Variants in RNF31 observed in about 807,000 individuals in gnomAD.
RNF31 encodes the protein E3 ubiquitin-protein ligase RNF31.
A neutral mutation model predicts 133.6 loss-of-function variants in RNF31; 38 were observed. That is an observed-to-expected ratio of 0.28 (90% CI 0.22 to 0.37). The LOEUF (loss-of-function observed/expected upper bound fraction) is 0.37, where lower values mean the gene tolerates loss of function less well. RNF31 is among the 10% of genes least tolerant of loss of function. The probability of loss-of-function intolerance (pLI) is 1.00; values close to 1 mark genes in which losing one functional copy is unlikely to be tolerated. For synonymous variants in RNF31, 582 were observed against 552.3 expected (o/e 1.05, Z -0.75); for missense variants, 1,118 against 1,394.1 (o/e 0.80, Z 3.15).
chr14:24,157,759 C>A, intron 16 of RNF31, 121 bp downstream of exon 16: 1 of 1,093,612 alleles, frequency 9.1e-7, no homozygotes, highest in Non-Finnish European at 1.4e-6. Flanking sequence ...TAAAGCACAA[C>A]TCTCTGTCCC....
At position 24,147,732 on chromosome 14, in the gene RNF31, G is replaced by A. The variant is rs370135028; in HGVS notation, c.34G>A (p.Val12Met). The change falls in exon 1 of 21, where the codon GTG becomes ATG. Residue 12 changes from valine to methionine, a missense_variant. By Grantham distance (21) the Val-to-Met change is conservative. Coordinates refer to ENST00000324103, the MANE Select transcript of RNF31 (RefSeq NM_017999.5). ...PGEEEERAFL[V>M]AREELASALR... ...GGAGGAAGAGGAGCGGGCCTTCCTG[G>A]TGGCCCGCGAGGAGCTGGCGAGCGC... 3.1e-5 allele frequency: 48 copies of A among 1,550,996 alleles called. No individual in the cohort carries two copies. Among genetic ancestry groups the A allele is most frequent in the East Asian group, 2.9e-4 (12 of 41,864 alleles).
intron 18 of RNF31, chr14:24,158,512 C>T (rs2038380782): frequency 7.1e-6 from 3 of 421,390 alleles, no homozygotes; most frequent in Admixed American, 4.1e-5. Flanking sequence ...GTGCTAGTTG[C>T]AGGGCACTGT....
intron 18 of RNF31, chr14:24,158,850 G>A (rs4982864): frequency 0.4 from 60,691 of 150,548 alleles, 12,623 homozygotes; most frequent in East Asian, 0.59. Flanking sequence ...TGGCTAACAC[G>A]GTGAAACCCC....
chr14:24,149,173 G>T, intron 5 of RNF31: 1 of 598,546 alleles, frequency 1.7e-6, no homozygotes, highest in Non-Finnish European at 2.9e-6. Flanking sequence ...ATGTTGGTCA[G>T]GCTGGTCTGG....
At chr14:24,150,496 C>G (rs537781014) in intron 7 of RNF31, 48 bp downstream of exon 7, 1 of 1,578,560 alleles carries the variant, frequency 6.3e-7, no homozygotes, top group Non-Finnish European at 8.6e-7. Context: ...CAGGCATTCT[C>G]TTCCCTATCC....
Position 24,160,651 on chromosome 14 carries a change from T to C in RNF31, c.*78T>C, listed in dbSNP as rs555447196. 3 of 1,117,566 alleles carry C rather than the reference T, an allele frequency of 2.7e-6. 1 individual carries two copies. The African/African-American group carries it at 4.8e-5, about 18-fold the overall frequency. 69.2% of individuals were successfully genotyped at this position (1,117,566 alleles called of 1,614,324 possible). On this transcript the variant is annotated 3_prime_UTR_variant, in exon 21 of 21. Coordinates refer to ENST00000324103, the MANE Select transcript of RNF31 (RefSeq NM_017999.5). The surrounding 1 kb of genome is among the most constrained non-coding windows in gnomAD (Gnocchi z 4.0). ...CTCCAGCACCAATAAAGAGGCATCTTACCACCCAGGCTTCTTGGTGGTCCT... is the reference window on the plus strand; with the variant it reads ...CTCCAGCACCAATAAAGAGGCATCTCACCACCCAGGCTTCTTGGTGGTCCT...
chr14:24,149,258 C>A, intron 5 of RNF31, 148 bp from the exon 6 acceptor site: 1 of 840,110 alleles, frequency 1.2e-6, no homozygotes, highest in Non-Finnish European at 1.8e-6. Flanking sequence ...CCACCACGCC[C>A]GGCCTCTTTG....
At position 24,147,882 on chromosome 14, in the gene RNF31, C is replaced by G; in HGVS notation, c.184C>G (p.His62Asp). 1 of 1,611,902 alleles carries G rather than the reference C, an allele frequency of 6.2e-7. No individual in the cohort carries two copies. The highest frequency in any genetic ancestry group is 8.5e-7 in the Non-Finnish European group (1 of 1,179,690). ...CGCACGCCTTGTCCGCTGCAACGCT[C>G]ATGGGGAGGTGAGGCCCGGCCCCGC... is the stretch of plus-strand genomic sequence containing the variant. ...DAARLVRCNA[H>D]GEPRNYLNTL... Residue 62 changes from histidine (H) to aspartate (D), a missense_variant, in exon 1 of 21, where the codon CAT becomes GAT. By Grantham distance (81) the His-to-Asp change is moderately conservative (BLOSUM62 -1). Coordinates refer to ENST00000324103, the MANE Select transcript of RNF31 (RefSeq NM_017999.5).
At chr14:24,158,233 A>G (rs1225225115) in intron 18 of RNF31, 34 bp downstream of exon 18, 1 of 1,604,374 alleles carries the variant, frequency 6.2e-7, no homozygotes, top group Non-Finnish European at 8.5e-7. Context: ...AGAAGAGGAG[A>G]TGGTGTGCTG....
In RNF31 at chr14:24,155,156, G is replaced by C; in HGVS notation, c.2131-1G>C. The stretch of plus-strand genomic sequence containing the variant: ...CTCCCCTCCAACCCCTCACCCTCCA[G>C]ATGCAGGCCCTGACTTCCTGTGAGT... On this transcript the variant is annotated splice_acceptor_variant, in intron 11 of 20. Coordinates refer to ENST00000324103, the MANE Select transcript of RNF31 (RefSeq NM_017999.5). LOFTEE classifies it high-confidence loss of function. The surrounding 1 kb of genome is among the most constrained non-coding windows in gnomAD (Gnocchi z 4.9). The C allele has an allele frequency of 6.2e-7, 1 of 1,613,590 alleles. No homozygotes were observed. The highest frequency in any genetic ancestry group is 8.5e-7 in the Non-Finnish European group (1 of 1,179,618).
At position 24,148,726 on chromosome 14, in the gene RNF31, G is replaced by C. The variant is rs748631330; in HGVS notation, c.555+25G>C. 5.0e-6 allele frequency: 8 copies of C among 1,613,858 alleles called. No individual in the cohort carries two copies. In the South Asian group the frequency reaches 8.8e-5, roughly 18 times the overall value. ...TGTAAGGAAGGCAGGAAAGGGGCTG[G>C]TGTACAAAGGAAACAGGAATTGTGA... On this transcript the variant is annotated intron_variant, in intron 4 of 20. Coordinates refer to ENST00000324103, the MANE Select transcript of RNF31 (RefSeq NM_017999.5).
rs1474140981 is a variant in RNF31 at position 24,150,053 on chromosome 14, C to T, written c.810-8C>T. 2.6e-6 allele frequency: 4 copies of T among 1,551,418 alleles called. No individual in the cohort carries two copies. The African/African-American group carries it at 5.4e-5, about 21-fold the overall frequency. ...CTTCAGCAGGCCATGTCTGCTTTTC[C>T]ATTACAGTTTACCTGCCTCAGCCCA... On this transcript the variant is annotated splice_polypyrimidine_tract_variant and splice_region_variant and intron_variant, in intron 6 of 20. Coordinates refer to ENST00000324103, the MANE Select transcript of RNF31 (RefSeq NM_017999.5).
intron 18 of RNF31, chr14:24,158,615 T>G: frequency 5.5e-6 from 1 of 180,688 alleles, no homozygotes; most frequent in Non-Finnish European, 1.2e-5. Flanking sequence ...CTACAGTCCA[T>G]ACCACCCTGA....
Position 24,148,276 on chromosome 14 carries a change from C to A in RNF31, c.358C>A (p.Arg120=). 6.2e-7 allele frequency: 1 copy of A among 1,614,086 alleles called. No homozygotes were observed. The highest frequency in any genetic ancestry group is 8.5e-7 in the Non-Finnish European group (1 of 1,180,014). The part of the protein sequence containing the change: ...DAVQGGRDVL[R]LYGYTEEQPD... The stretch of plus-strand genomic sequence containing the variant: ...GTGGCAGGGGGGCCGAGATGTGCTG[C>A]GATTATATGGCTACACAGAGGAGCA... The change falls in exon 3 of 21, where the codon CGA becomes AGA. Residue 120 remains arginine (R), a synonymous_variant. Transcript: ENST00000324103.
rs1037940594 is a variant in RNF31 at position 24,157,803 on chromosome 14, C to T, written c.2728-95C>T. ...TTGCTTGCTCCTCCAATGTCTCCAT[C>T]TCCCCTCACCCTTACACCCCTCACG... On this transcript the variant is annotated intron_variant, in intron 16 of 20. Transcript: ENST00000324103. 6.1e-6 allele frequency: 7 copies of T among 1,150,266 alleles called. No individual in the cohort carries two copies. The African/African-American group carries it at 1.1e-4, about 18-fold the overall frequency. The allele number at this position is 1,150,266 out of a possible 1,614,324, so 71.3% of individuals were successfully genotyped here. A position where few individuals can be genotyped will look rare whatever the true frequency, so the allele number is the denominator to read the frequency against.
chr14:24,152,987 A>G (rs1305577185), intron 11 of RNF31, among the ~76,000 whole-genome samples: 1 of 151,998 alleles, frequency 6.6e-6, no homozygotes, highest in Non-Finnish European at 1.5e-5. Context: ...AGGCTGAGGC[A>G]GGAGAATGGC....
Position 24,151,311 on chromosome 14 carries a change from G to A in RNF31, c.1669G>A (p.Ala557Thr), listed in dbSNP as rs1339818195. Residue 557 changes from alanine to threonine, a missense_variant, in exon 9 of 21, where the codon GCC (alanine) becomes ACC (threonine). Ala to Thr is a moderately conservative substitution (Grantham distance 58). Around this residue, in one of 3 missense-constraint regions of RNF31, gnomAD observed 747 missense variants for 827.9 expected, o/e 0.90. Transcript: ENST00000324103. This position sits in a 1 kb window ranked among gnomAD's most constrained non-coding sequence, Gnocchi z 5.3. ...GAFSCQEARR[A>T]WLDRHGNLDE... The stretch of plus-strand genomic sequence containing the variant: ...CTTTTCCTGTCAGGAGGCCCGGAGA[G>A]CCTGGCTGGATCGTCATGGCAACCT... The A allele has an allele frequency of 6.2e-7, 1 of 1,614,248 alleles. No individual in the cohort carries two copies. Among genetic ancestry groups the A allele is most frequent in the Non-Finnish European group, 8.5e-7 (1 of 1,180,052 alleles).
intron 11 of RNF31, among the ~76,000 whole-genome samples, chr14:24,152,503 A>T (rs2038281789): frequency 6.6e-6 from 1 of 151,912 alleles, no homozygotes; most frequent in African/African-American, 2.4e-5. Flanking sequence ...GCTCACTGTA[A>T]CCTCTGCCTC....
At chr14:24,153,619 G>A (rs977436159) in intron 11 of RNF31, among the ~76,000 whole-genome samples, 7 of 151,042 alleles carry the variant, frequency 4.6e-5, no homozygotes, top group Admixed American at 1.3e-4. Context: ...AATACATAAA[G>A]TTGGCCAGGC....
Sources: allele counts gnomAD v4.1 joint callset (sites outside exome capture counted in the v4.1 genomes callset), GRCh38; gene constraint gnomAD v4.1.1; regional missense constraint gnomAD v4.1.1; non-coding constraint Gnocchi (gnomAD v3.1); transcripts MANE v1.5; gene names NCBI Gene and HGNC (gene_info 2026-07-23, HGNC 2026-07-21).